The following ZFYVE16 variants were observed in gnomAD, a reference collection of about 807,000 sequenced individuals.
ZFYVE16 encodes the protein zinc finger FYVE domain-containing protein 16.
A neutral mutation model predicts 138.1 loss-of-function variants in ZFYVE16; 89 were observed. That is an observed-to-expected ratio of 0.64 (90% CI 0.54 to 0.77). The LOEUF (loss-of-function observed/expected upper bound fraction) is 0.77, where lower values mean the gene tolerates loss of function less well. ZFYVE16 is among the 30% of genes least tolerant of loss of function. ZFYVE16 has a pLI of 0.00. For missense variants in ZFYVE16, 1,793 were observed against 1,786.7 expected, an observed-to-expected ratio of 1.00 and a Z score of -0.06; for synonymous variants, 596 against 618.3, an observed-to-expected ratio of 0.96 and a Z score of 0.53.
rs969408078 is a variant in ZFYVE16, at chr5:80,481,539, T to C, written c.*4162T>C. Among the ~76,000 whole-genome samples the C allele has an allele frequency of 2.0e-5, 3 of 151,570 alleles. No homozygotes were observed. Among genetic ancestry groups the C allele is most frequent in the African/African-American group, 7.3e-5 (3 of 41,252 alleles). On this transcript the variant is annotated 3_prime_UTR_variant, in exon 19 of 19. Transcript: ENST00000505560. ...TTAACAAAGGCAGTGAAAACTAACATTGGAACCACAGCCACCAAAAAAAGT... is the reference window on the plus strand; with the variant it reads ...TTAACAAAGGCAGTGAAAACTAACACTGGAACCACAGCCACCAAAAAAAGT...
intron 15 of ZFYVE16, among the ~76,000 whole-genome samples, chr5:80,466,082 G>T (rs1318454312): frequency 6.6e-6 from 1 of 151,648 alleles, no homozygotes; most frequent in Non-Finnish European, 1.5e-5. Flanking sequence ...CCACCACCAC[G>T]CCCAGCTAAT....
intron 1 of ZFYVE16, among the ~76,000 whole-genome samples, chr5:80,418,707 A>C (rs544226362): frequency 6.6e-6 from 1 of 152,266 alleles, no homozygotes; most frequent in South Asian, 2.1e-4. Context: ...ATTCCAGTCT[A>C]TGGCTTGTCT....
rs1307743297 is a variant in ZFYVE16 at position 80,448,079 on chromosome 5, T to G, written c.2778T>G (p.Asn926Lys). The change falls in exon 8 of 19, where the codon AAT becomes AAG. Residue 926 changes from asparagine (N) to lysine (K), a missense_variant. Coordinates refer to ENST00000505560, the MANE Select transcript of ZFYVE16 (RefSeq NM_001284236.3). ...CTACTACAGTGGAAAAGCCAAACAA[T>G]GAGACAGGAGATATTACAAGAAATG... ...SHSTTVEKPN[N>K]ETGDITRNEI... 1 of 1,613,470 alleles carries G rather than the reference T, an allele frequency of 6.2e-7. No homozygotes were observed. The highest frequency in any genetic ancestry group is 8.5e-7 in the Non-Finnish European group (1 of 1,179,774).
chr5:80,423,087 A>G (rs1184530210), intron 1 of ZFYVE16, among the ~76,000 whole-genome samples: 2 of 152,176 alleles, frequency 1.3e-5, no homozygotes, highest in South Asian at 2.1e-4. Flanking sequence ...GGAAGAGATT[A>G]TAGAGAATTG....
intron 18 of ZFYVE16, among the ~76,000 whole-genome samples, chr5:80,476,190 G>A (rs1754892622): frequency 1.3e-5 from 2 of 152,146 alleles, no homozygotes; most frequent in Admixed American, 6.6e-5. Flanking sequence ...GTGATCTGTG[G>A]CCTCCCAAAG....
chr5:80,437,643 A>G lies in ZFYVE16; in HGVS notation c.958A>G (p.Arg320Gly), dbSNP rs367905429. The G allele has an allele frequency of 1.2e-5, 20 of 1,611,918 alleles. No individual in the cohort carries two copies. The Admixed American group carries it at 1.3e-4, about 11-fold the overall frequency. ...EDLCLNDSNS[R>G]DENFKLPDFS... ...TTTATGCTTAAATGATTCAAATTCAAGAGATGAAAATTTCAAATTACCTGA... is the reference window on the plus strand; with the variant it reads ...TTTATGCTTAAATGATTCAAATTCAGGAGATGAAAATTTCAAATTACCTGA... Residue 320 changes from arginine to glycine, a missense_variant, in exon 4 of 19, where the codon AGA (arginine) becomes GGA (glycine). Arg to Gly is a moderately radical substitution (Grantham distance 125). Around this residue, in one of 2 missense-constraint regions of ZFYVE16, gnomAD observed 1,295 missense variants for 1,204.3 expected, o/e 1.08. Transcript: ENST00000505560.
At chr5:80,446,053 A>G (rs1751314066) in intron 7 of ZFYVE16, among the ~76,000 whole-genome samples, 1 of 150,278 alleles carries the variant, frequency 6.7e-6, no homozygotes, top group African/African-American at 2.5e-5. Flanking sequence ...CCACCACCAC[A>G]CCTGACTAAT....
chr5:80,472,840 T>TA lies in ZFYVE16; in HGVS notation c.4105dup (p.Thr1369AsnfsTer6). The TA allele has an allele frequency of 6.2e-7, 1 of 1,613,990 alleles. No individual in the cohort carries two copies. The highest frequency in any genetic ancestry group is 1.1e-5 in the South Asian group (1 of 91,072). ...TACGAGAACAGAAAGACTTTAAAAT[T>TA]ACATGTGGGAAAGTTGATGCAGTAG... is the stretch of plus-strand genomic sequence containing the variant. On this transcript the variant is annotated frameshift_variant, in exon 16 of 19. Transcript: ENST00000505560. LOFTEE classifies it high-confidence loss of function.
chr5:80,424,166 C>T (rs1323151704), intron 1 of ZFYVE16, among the ~76,000 whole-genome samples: 15 of 152,036 alleles, frequency 9.9e-5, no homozygotes, highest in South Asian at 4.2e-4. Flanking sequence ...AGGCTAGTCT[C>T]GAACTCCTGA....
chr5:80,441,362 T>C (rs1384970135), intron 5 of ZFYVE16: 11 of 985,302 alleles, frequency 1.1e-5, no homozygotes, highest in African/African-American at 1.7e-5. Context: ...CTTTGGTTTA[T>C]CAAAGAAAAT....
At chr5:80,435,028 A>AT (rs1458725808) in intron 3 of ZFYVE16, among the ~76,000 whole-genome samples, 2 of 147,974 alleles carry the variant, frequency 1.4e-5, no homozygotes, top group Non-Finnish European at 3.0e-5. Flanking sequence ...TGCCTGGCTA[A>AT]TTTTTTGTTT....
chr5:80,441,247 C>T, intron 5 of ZFYVE16: 1 of 985,364 alleles, frequency 1.0e-6, no homozygotes, highest in Non-Finnish European at 1.2e-6. Context: ...TTTATGTTGA[C>T]AGGTCAGATT....
In ZFYVE16 at chr5:80,483,031, C is replaced by T. The variant is rs998613487; in HGVS notation, c.*5654C>T. The stretch of plus-strand genomic sequence containing the variant: ...TACAGGTGCGTGGTACCACGCCCAG[C>T]TAATTTTTTTATGTTTGTAGTAGAG... On this transcript the variant is annotated 3_prime_UTR_variant, in exon 19 of 19. Transcript: ENST00000505560. 6.6e-6 allele frequency: 1 copy of T among 152,012 alleles called. No homozygotes were observed. Among genetic ancestry groups the T allele is most frequent in the Non-Finnish European group, 1.5e-5 (1 of 68,016 alleles). 9.4% of individuals were successfully genotyped at this position (152,012 alleles called of 1,614,324 possible).
intron 1 of ZFYVE16, among the ~76,000 whole-genome samples, chr5:80,426,911 C>G (rs1748165225): frequency 6.6e-6 from 1 of 152,282 alleles, no homozygotes; most frequent in South Asian, 2.1e-4. Context: ...TCACCAGCAT[C>G]TGTTGTTTCT....
chr5:80,472,973 G>A (rs891800876), intron 16 of ZFYVE16, 50 bp downstream of exon 16: 3 of 1,439,766 alleles, frequency 2.1e-6, no homozygotes, highest in Non-Finnish European at 9.3e-7. Flanking sequence ...GAAAGTGCAG[G>A]ATTAAAATAT....
chr5:80,460,239 G>A (rs1174075256), intron 15 of ZFYVE16, among the ~76,000 whole-genome samples: 1 of 152,110 alleles, frequency 6.6e-6, no homozygotes, highest in African/African-American at 2.4e-5. Flanking sequence ...AATAAGCAGA[G>A]CATCCTATTA....
rs1257329262 is a variant in ZFYVE16 at position 80,438,976 on chromosome 5, A to T, written c.2291A>T (p.Lys764Ile). The T allele has an allele frequency of 6.2e-7, 1 of 1,612,996 alleles. No individual in the cohort carries two copies. The highest frequency in any genetic ancestry group is 2.2e-5 in the East Asian group (1 of 44,858). The change falls in exon 4 of 19, where the codon AAA becomes ATA. Residue 764 changes from lysine (K) to isoleucine (I), a missense_variant. Transcript: ENST00000505560. The part of the protein sequence containing the change: ...MNCQVKFTFT[K>I]RRHHCRACGK... Reference sequence around the variant, plus strand: ...TGCCAAGTCAAATTTACTTTTACCAAACGGCGACACCATTGCCGAGCATGT... The same window carrying T: ...TGCCAAGTCAAATTTACTTTTACCATACGGCGACACCATTGCCGAGCATGT...
intron 2 of ZFYVE16, among the ~76,000 whole-genome samples, chr5:80,433,886 A>G (rs1210550891): frequency 6.6e-6 from 1 of 152,166 alleles, no homozygotes; most frequent in Non-Finnish European, 1.5e-5. Context: ...TTAAAAATTT[A>G]CAATAGTTTA....
At chr5:80,474,167 G>T (rs114577905) in intron 17 of ZFYVE16, among the ~76,000 whole-genome samples, 4,345 of 152,112 alleles carry the variant, frequency 0.029, 72 homozygotes, top group South Asian at 0.046. Context: ...ATAAGATATT[G>T]TCATTAATTT....
Sources: allele counts gnomAD v4.1 joint callset (sites outside exome capture counted in the v4.1 genomes callset), GRCh38; gene constraint gnomAD v4.1.1; regional missense constraint gnomAD v4.1.1; transcripts MANE v1.5; gene names NCBI Gene and HGNC (gene_info 2026-07-23, HGNC 2026-07-21).